LIPI: variants seen among roughly 807,000 people sequenced by gnomAD.
LIPI encodes the protein lipase member I.
Under a neutral mutation model 50.6 loss-of-function variants are expected in LIPI, and 59 were observed. The ratio of observed to expected loss-of-function variants is 1.16; its 90% CI spans 0.94 to 1.45. LIPI has a LOEUF of 1.45. Ranked by LOEUF, LIPI falls within the 40% of genes most tolerant of loss-of-function variation. The probability of loss-of-function intolerance (pLI) is 0.00; values close to 1 mark genes in which losing one functional copy is unlikely to be tolerated. For missense variants in LIPI, 586 were observed against 536.3 expected (o/e 1.09, Z -0.92); for synonymous variants, 203 against 178.2 (o/e 1.14, Z -1.11).
chr21:14,198,075 G>A (rs1054204921), intron 1 of LIPI, among the ~76,000 whole-genome samples: 1 of 152,056 alleles, frequency 6.6e-6, no homozygotes, highest in African/African-American at 2.4e-5. Context: ...AAGGCTGAGG[G>A]AATTTGTTAC....
At chr21:14,119,672 T>G (rs922196232) in intron 9 of LIPI, among the ~76,000 whole-genome samples, 2 of 152,204 alleles carry the variant, frequency 1.3e-5, no homozygotes, top group Admixed American at 1.3e-4. Flanking sequence ...GCACCAGCAC[T>G]AGGGCTGCCA....
At chr21:14,119,993 T>C (rs528535296) in intron 9 of LIPI, among the ~76,000 whole-genome samples, 1 of 152,300 alleles carries the variant, frequency 6.6e-6, no homozygotes, top group South Asian at 2.1e-4. Flanking sequence ...CAAGGGCTCC[T>C]ATGTGAGAAT....
intron 7 of LIPI, among the ~76,000 whole-genome samples, chr21:14,159,518 A>G (rs1295433414): frequency 6.6e-6 from 1 of 151,374 alleles, no homozygotes; most frequent in Non-Finnish European, 1.5e-5. Context: ...TAGTGTATCT[A>G]CAAAAAAAAC....
intron 4 of LIPI, among the ~76,000 whole-genome samples, chr21:14,167,249 C>T (rs905018280): frequency 6.6e-6 from 1 of 152,340 alleles, no homozygotes; most frequent in Middle Eastern, 3.4e-3. Flanking sequence ...CTCAAGGAGG[C>T]CTGCCTGCCT....
chr21:14,131,970 A>G (rs1665801622), intron 9 of LIPI, among the ~76,000 whole-genome samples: 1 of 152,206 alleles, frequency 6.6e-6, no homozygotes, highest in Non-Finnish European at 1.5e-5. Flanking sequence ...AGAAGAAGAA[A>G]GAATCTCAGA....
chr21:14,175,949 C>A (rs1412669524), intron 4 of LIPI, among the ~76,000 whole-genome samples: 4 of 151,988 alleles, frequency 2.6e-5, no homozygotes, highest in Non-Finnish European at 5.9e-5. Context: ...GAGGCCGAGG[C>A]GGGCGGATCA....
chr21:14,161,613 TAC>T (rs1428425129), intron 7 of LIPI, among the ~76,000 whole-genome samples: 1 of 117,770 alleles, frequency 8.5e-6, no homozygotes, highest in Non-Finnish European at 1.6e-5. Flanking sequence ...ATATATAATA[TAC>T]ATATATAATA....
chr21:14,174,831 C>T (rs755203133), intron 4 of LIPI, among the ~76,000 whole-genome samples: 14 of 152,114 alleles, frequency 9.2e-5, no homozygotes, highest in Non-Finnish European at 1.8e-4. Flanking sequence ...GGATTACAGG[C>T]GTGAGCCACC....
At chr21:14,145,652 TGGA>T (rs2017877317) in intron 8 of LIPI, among the ~76,000 whole-genome samples, 2 of 149,854 alleles carry the variant, frequency 1.3e-5, no homozygotes, top group South Asian at 2.1e-4. Flanking sequence ...AAGGCGGAGG[TGGA>T]GGAGAAGAAG....
chr21:14,128,668 T>C (rs2017164424), intron 9 of LIPI, among the ~76,000 whole-genome samples: 1 of 146,408 alleles, frequency 6.8e-6, no homozygotes, highest in Admixed American at 6.7e-5. Flanking sequence ...AGGTACACGA[T>C]ATATCTTAAG....
chr21:14,111,964 T>C (rs1278647680), intron 9 of LIPI, among the ~76,000 whole-genome samples: 1 of 152,036 alleles, frequency 6.6e-6, no homozygotes, highest in Non-Finnish European at 1.5e-5. Context: ...TAGTGAATGT[T>C]GTACTCAATA....
chr21:14,136,936 C>A (rs1568843138), intron 9 of LIPI, among the ~76,000 whole-genome samples: 1 of 152,114 alleles, frequency 6.6e-6, no homozygotes, highest in Non-Finnish European at 1.5e-5. Context: ...TGCTGGTAAT[C>A]CAGATAATTC....
chr21:14,163,902 T>C (rs2018582740), intron 6 of LIPI, among the ~76,000 whole-genome samples: 1 of 151,660 alleles, frequency 6.6e-6, no homozygotes, highest in Non-Finnish European at 1.5e-5. Flanking sequence ...TATAGCTCCA[T>C]GAGTATAGCT....
At chr21:14,116,912 G>A (rs1049937327) in intron 9 of LIPI, among the ~76,000 whole-genome samples, 2 of 152,184 alleles carry the variant, frequency 1.3e-5, no homozygotes, top group African/African-American at 4.8e-5. Context: ...AGGAGCTAGA[G>A]ACTCCATCCC....
intron 9 of LIPI, among the ~76,000 whole-genome samples, chr21:14,119,163 C>T (rs961298417): frequency 2.0e-5 from 3 of 152,152 alleles, no homozygotes; most frequent in Non-Finnish European, 2.9e-5. Flanking sequence ...CTAGACTTCT[C>T]CAAGGATTTA....
At chr21:14,170,754 T>A (rs1288622081) in intron 4 of LIPI, among the ~76,000 whole-genome samples, 1 of 150,882 alleles carries the variant, frequency 6.6e-6, no homozygotes, top group Non-Finnish European at 1.5e-5. Context: ...CCACAGCCAA[T>A]ATCATGCTGA....
intron 1 of LIPI, 39 bp from the exon 2 acceptor site, chr21:14,189,458 T>C (rs1313036760): frequency 2.5e-6 from 4 of 1,576,548 alleles, no homozygotes; most frequent in Non-Finnish European, 3.5e-6. Context: ...AGTACTGGGA[T>C]AGTATTTTAT....
intron 4 of LIPI, among the ~76,000 whole-genome samples, chr21:14,179,973 A>T (rs1383888988): frequency 2.6e-5 from 4 of 152,186 alleles, no homozygotes; most frequent in East Asian, 1.9e-4. Flanking sequence ...ACGGACGTGC[A>T]AGCAGGAAAG....
chr21:14,153,301 AC>A (rs1555851566), intron 7 of LIPI, among the ~76,000 whole-genome samples: 1 of 151,938 alleles, frequency 6.6e-6, no homozygotes, highest in Non-Finnish European at 1.5e-5. Context: ...AGTTTTGTGC[AC>A]CCCCCTTCTA....
Sources: allele counts gnomAD v4.1 joint callset (sites outside exome capture counted in the v4.1 genomes callset), GRCh38; gene constraint gnomAD v4.1.1; transcripts MANE v1.5; gene names NCBI Gene and HGNC (gene_info 2026-07-23, HGNC 2026-07-21).